ROR2: variants seen among roughly 807,000 people sequenced by gnomAD.
ROR2 encodes the protein ROR family WNT receptor 2, also known as tyrosine-protein kinase transmembrane receptor ROR2.
ROR2 carries 33 observed loss-of-function variants against 74.9 expected under a neutral mutation model. The ratio of observed to expected loss-of-function variants is 0.44; its 90% CI spans 0.33 to 0.59. The LOEUF is 0.59. Ranked by LOEUF, ROR2 falls within the 20% of genes least tolerant of loss-of-function variation. ROR2 has a pLI of 0.02. For missense variants in ROR2, 1,216 were observed against 1,313.8 expected, an observed-to-expected ratio of 0.93 and a Z score of 1.15; for synonymous variants, 586 against 558.7, an observed-to-expected ratio of 1.05 and a Z score of -0.69.
intron 7 of ROR2, among the ~76,000 whole-genome samples, chr9:91,729,717 G>A (rs1320797494): frequency 6.6e-6 from 1 of 152,128 alleles, no homozygotes; most frequent in African/African-American, 2.4e-5. Context: ...CTGGTGAACC[G>A]GGCATGACTA....
intron 4 of ROR2, among the ~76,000 whole-genome samples, chr9:91,754,561 A>G (rs1392349102): frequency 6.6e-6 from 1 of 152,148 alleles, no homozygotes; most frequent in Non-Finnish European, 1.5e-5. Flanking sequence ...AGGCTCAGAC[A>G]GGAGAATTGC....
rs769352677 is a variant in ROR2, at chr9:91,724,889, G to A, written c.1605C>T (p.Asn535=). 71 of 1,606,024 alleles carry A rather than the reference G, an allele frequency of 4.4e-5. No individual in the cohort carries two copies. The highest frequency in any genetic ancestry group is 6.7e-5 in the East Asian group (3 of 44,720). Reference sequence around the variant, plus strand: ...TCACCACGCCCAGCAGGCAGACGACGTTGGGGTGTTGCAGCCGTGCTCGCA... The same window carrying A: ...TCACCACGCCCAGCAGGCAGACGACATTGGGGTGTTGCAGCCGTGCTCGCA... ...AMLRARLQHP[N]VVCLLGVVTK... The change falls in exon 9 of 9, where the codon AAC becomes AAT. Residue 535 remains asparagine (N), a synonymous_variant. Coordinates refer to ENST00000375708, the MANE Select transcript of ROR2 (RefSeq NM_004560.4).
chr9:91,808,799 A>ATATATATTTTTTTT (rs1827648815), intron 1 of ROR2, among the ~76,000 whole-genome samples: 1 of 151,196 alleles, frequency 6.6e-6, no homozygotes, highest in South Asian at 2.1e-4. Flanking sequence ...TATAAAAAAT[A>ATATATATTTTTTTT]TACATATTTT....
At chr9:91,744,058 A>T (rs1825329015) in intron 4 of ROR2, among the ~76,000 whole-genome samples, 2 of 152,196 alleles carry the variant, frequency 1.3e-5, no homozygotes, top group Non-Finnish European at 2.9e-5. Context: ...CAGACATTAC[A>T]TTTAATGAAA....
Position 91,724,817 on chromosome 9 carries a change from G to C in ROR2, c.1677C>G (p.Gly559=), listed in dbSNP as rs768187491. The C allele has an allele frequency of 1.9e-6, 3 of 1,607,530 alleles. No homozygotes were observed. Among genetic ancestry groups the C allele is most frequent in the African/African-American group, 2.7e-5 (2 of 74,830 alleles). Reference sequence around the variant, plus strand: ...GCATGACCAGGAATTCGTGGAGGTCGCCGTGCGAACAGTAGCTGAAGATCA... The same window carrying C: ...GCATGACCAGGAATTCGTGGAGGTCCCCGTGCGAACAGTAGCTGAAGATCA... ...LSMIFSYCSH[G]DLHEFLVMRS... Residue 559 remains glycine (G), a synonymous_variant, in exon 9 of 9, where the codon GGC becomes GGG. Transcript: ENST00000375708.
rs769467387 is a variant in ROR2, at chr9:91,731,161, C to T, written c.938-6G>A. ...GCCGTTATAGCACTGATGGTCTGAA[C>T]AAGGAAAACACGTTAGGAAAACCTC... On this transcript the variant is annotated splice_region_variant and splice_polypyrimidine_tract_variant and intron_variant, in intron 6 of 8. Coordinates refer to ENST00000375708, the MANE Select transcript of ROR2 (RefSeq NM_004560.4). 2 of 1,613,984 alleles carry T rather than the reference C, an allele frequency of 1.2e-6. No individual in the cohort carries two copies. The highest frequency in any genetic ancestry group is 8.5e-7 in the Non-Finnish European group (1 of 1,180,020).
At position 91,731,024 on chromosome 9, in the gene ROR2, C is replaced by G. The variant is rs1461558641; in HGVS notation, c.1069G>C (p.Glu357Gln). Residue 357 changes from glutamate to glutamine, a missense_variant, in exon 7 of 9, where the codon GAG becomes CAG. Coordinates refer to ENST00000375708, the MANE Select transcript of ROR2 (RefSeq NM_004560.4). ...CAGTAGGCGTGCCCCCCTCCAAGCT[C>G]AGGGAAGTCTGTGCTGGACAGGTGG... ...SHHLSSTDFP[E>Q]LGGGHAYCRN... 5.0e-6 allele frequency: 8 copies of G among 1,614,066 alleles called. No homozygotes were observed. Among genetic ancestry groups the G allele is most frequent in the Non-Finnish European group, 6.8e-6 (8 of 1,180,032 alleles).
intron 1 of ROR2, among the ~76,000 whole-genome samples, chr9:91,862,316 C>G (rs1407624231): frequency 1.3e-5 from 2 of 150,958 alleles, no homozygotes; most frequent in Non-Finnish European, 2.9e-5. Flanking sequence ...GGTGACAGAG[C>G]GAGACTCCAT....
chr9:91,762,201 C>T (rs1467167959), intron 2 of ROR2, among the ~76,000 whole-genome samples: 1 of 152,156 alleles, frequency 6.6e-6, no homozygotes, highest in Non-Finnish European at 1.5e-5. Flanking sequence ...CCCCGGTTTC[C>T]TAAGGACCTC....
intron 1 of ROR2, among the ~76,000 whole-genome samples, chr9:91,787,924 T>TTA (rs1238916186): frequency 1.2e-4 from 19 of 152,130 alleles, no homozygotes; most frequent in African/African-American, 4.3e-4. Context: ...CAACAAAGAC[T>TTA]TTAAATAGGA....
chr9:91,903,811 G>A (rs903767266), intron 1 of ROR2, among the ~76,000 whole-genome samples: 1 of 152,170 alleles, frequency 6.6e-6, no homozygotes, highest in East Asian at 1.9e-4. Context: ...GGGTCGTGGA[G>A]AGAGTCCACG....
chr9:91,810,254 G>A (rs1827704175), intron 1 of ROR2, among the ~76,000 whole-genome samples: 1 of 152,202 alleles, frequency 6.6e-6, no homozygotes, highest in Admixed American at 6.5e-5. Context: ...GCGTCTTTGG[G>A]AAGAGTTTGA....
chr9:91,837,435 C>T (rs1284332515), intron 1 of ROR2, among the ~76,000 whole-genome samples: 2 of 152,090 alleles, frequency 1.3e-5, no homozygotes, highest in Non-Finnish European at 2.9e-5. Context: ...TATAAAAAAC[C>T]AAAACTTGTA....
intron 1 of ROR2, among the ~76,000 whole-genome samples, chr9:91,926,186 C>A (rs1321965629): frequency 1.3e-5 from 2 of 151,664 alleles, no homozygotes; most frequent in East Asian, 1.9e-4. Flanking sequence ...TCGAGACCAT[C>A]CTGGCTAACA....
chr9:91,809,134 C>T (rs1827666445), intron 1 of ROR2, among the ~76,000 whole-genome samples: 1 of 152,208 alleles, frequency 6.6e-6, no homozygotes, highest in African/African-American at 2.4e-5. Flanking sequence ...GTTGCACATC[C>T]CTGTAGCTGA....
chr9:91,933,047 G>A (rs77094301), intron 1 of ROR2, among the ~76,000 whole-genome samples: 8,339 of 152,160 alleles, frequency 0.055, 488 homozygotes, highest in East Asian at 0.22. Context: ...GATTACAGGC[G>A]TTAGCCTGTA....
At chr9:91,826,789 A>G (rs1364439427) in intron 1 of ROR2, among the ~76,000 whole-genome samples, 1 of 128,030 alleles carries the variant, frequency 7.8e-6, no homozygotes, top group Non-Finnish European at 1.7e-5. Flanking sequence ...GTCTCAAAAA[A>G]AAAAAGAAAA....
At chr9:91,922,976 T>C (rs1831311748) in intron 1 of ROR2, among the ~76,000 whole-genome samples, 1 of 151,956 alleles carries the variant, frequency 6.6e-6, no homozygotes, top group Non-Finnish European at 1.5e-5. Flanking sequence ...CTGCTGGGCA[T>C]GACCTCCCCA....
chr9:91,762,661 A>T (rs1228292322), intron 2 of ROR2, among the ~76,000 whole-genome samples: 1 of 152,252 alleles, frequency 6.6e-6, no homozygotes, highest in Non-Finnish European at 1.5e-5. Context: ...ACTTGTATGC[A>T]TCATTCCAAT....
Sources: gnomAD v4.1 joint callset for allele counts (sites outside exome capture counted in the v4.1 genomes callset) on GRCh38, gnomAD v4.1.1 for gene constraint, MANE v1.5 for transcripts, NCBI Gene and HGNC (gene_info 2026-07-23, HGNC 2026-07-21) for gene names.